ZNF540: variants seen among roughly 807,000 people sequenced by gnomAD.
ZNF540 encodes zinc finger protein 540.
In ZNF540, 3 loss-of-function variants were observed where a neutral mutation model predicts 11.8. The ratio of observed to expected loss-of-function variants is 0.25; its 90% CI spans 0.12 to 0.65. ZNF540 has a LOEUF of 0.65. ZNF540 is among the 30% of genes least tolerant of loss of function. ZNF540 has a pLI of 0.83. For missense variants in ZNF540, 709 were observed against 793.1 expected, an observed-to-expected ratio of 0.89 and a Z score of 1.27; for synonymous variants, 247 against 259.0, an observed-to-expected ratio of 0.95 and a Z score of 0.45.
At chr19:37,593,235 G>A (rs1386803091), upstream of ZNF540, among the ~76,000 whole-genome samples, 1 of 151,680 alleles carries the variant, frequency 6.6e-6, no homozygotes, top group Non-Finnish European at 1.5e-5. Context: ...AATACTATAG[G>A]AAAAAACGGG....
At chr19:37,577,648 A>C (rs971132954) in intron 1 of ZNF540, among the ~76,000 whole-genome samples, 1 of 152,226 alleles carries the variant, frequency 6.6e-6, no homozygotes, top group Non-Finnish European at 1.5e-5. Context: ...CAAAATAGTG[A>C]GAAGATCCAT....
At chr19:37,561,188 C>G (rs1338111244) in intron 1 of ZNF540, among the ~76,000 whole-genome samples, 1 of 151,828 alleles carries the variant, frequency 6.6e-6, no homozygotes, top group Non-Finnish European at 1.5e-5. Flanking sequence ...CTGCAATGAG[C>G]CATGCCACTG....
intron 4 of ZNF540, among the ~76,000 whole-genome samples, chr19:37,609,674 C>G (rs971844246): frequency 6.6e-6 from 1 of 151,896 alleles, no homozygotes; most frequent in African/African-American, 2.4e-5. Context: ...ATAGTAAAAC[C>G]CTGTCTCTAC....
chr19:37,581,468 T>TTC (rs1224453220), intron 1 of ZNF540, among the ~76,000 whole-genome samples: 1 of 145,566 alleles, frequency 6.9e-6, no homozygotes, highest in East Asian at 2.0e-4. Context: ...CTTTCTTTCT[T>TTC]TTTTTTTTTT....
intron 1 of ZNF540, among the ~76,000 whole-genome samples, chr19:37,588,099 CAAAAAAAAAAAAAAAAA>C (rs58516591): frequency 6.6e-5 from 3 of 45,742 alleles, no homozygotes; most frequent in African/African-American, 8.6e-5. Context: ...GACTCCATCT[CAAAAAAAAAAAAAAAAA>C]AAAAAAAAAA....
chr19:37,592,885 A>G (rs941026907), upstream of ZNF540, among the ~76,000 whole-genome samples: 13 of 152,352 alleles, frequency 8.5e-5, no homozygotes, highest in South Asian at 8.3e-4. Context: ...AACAGCACCA[A>G]TTAAACCAAA....
intron 1 of ZNF540, among the ~76,000 whole-genome samples, chr19:37,582,470 C>T (rs1432842057): frequency 6.6e-6 from 1 of 152,128 alleles, no homozygotes; most frequent in Non-Finnish European, 1.5e-5. Context: ...GTTGGAACAC[C>T]CCATGGTTCA....
At chr19:37,565,029 T>G in intron 1 of ZNF540, 1 of 1,613,822 alleles carries the variant, frequency 6.2e-7, no homozygotes, top group Non-Finnish European at 8.5e-7. Flanking sequence ...CCATGAATTT[T>G]CTCATGTTGA....
chr19:37,568,109 A>C (rs1055556391), intron 1 of ZNF540, among the ~76,000 whole-genome samples: 5 of 152,176 alleles, frequency 3.3e-5, no homozygotes, highest in African/African-American at 1.2e-4. Context: ...AATGCAGAGA[A>C]ACCTATCTGA....
chr19:37,565,727 C>T (rs778664713), intron 1 of ZNF540: 17 of 1,613,680 alleles, frequency 1.1e-5, no homozygotes, highest in African/African-American at 5.3e-5. Context: ...CTGTGAACCA[C>T]GAATAAAAGC....
intron 3 of ZNF540, among the ~76,000 whole-genome samples, chr19:37,600,195 G>A (rs1414638713): frequency 6.6e-6 from 1 of 152,156 alleles, no homozygotes; most frequent in Non-Finnish European, 1.5e-5. Flanking sequence ...AAATTAAAGT[G>A]AATGCATTCT....
chr19:37,600,778 A>C (rs2044033001), intron 3 of ZNF540, among the ~76,000 whole-genome samples: 1 of 152,138 alleles, frequency 6.6e-6, no homozygotes, highest in African/African-American at 2.4e-5. Flanking sequence ...TTTTAATTCC[A>C]AAATGAATTA....
chr19:37,583,821 T>A (rs1409979102), intron 1 of ZNF540: 3 of 716,342 alleles, frequency 4.2e-6, no homozygotes, highest in Admixed American at 5.2e-5. Context: ...GTCTAAAGGA[T>A]AAGAGATAAA....
chr19:37,565,471 A>G (rs2042820898), intron 1 of ZNF540: 7 of 1,612,382 alleles, frequency 4.3e-6, no homozygotes, highest in Non-Finnish European at 5.9e-6. Flanking sequence ...TAAGGTGTGA[A>G]CCAAGAATAA....
chr19:37,586,955 T>C (rs2147204983), intron 1 of ZNF540: 1 of 431,652 alleles, frequency 2.3e-6, no homozygotes, highest in Non-Finnish European at 4.1e-6. Flanking sequence ...GCTGTTACTT[T>C]CCCATGGCAT....
chr19:37,568,459 A>G (rs1051184921), intron 1 of ZNF540, among the ~76,000 whole-genome samples: 1 of 152,144 alleles, frequency 6.6e-6, no homozygotes, highest in Non-Finnish European at 1.5e-5. Flanking sequence ...AAAGAAATCA[A>G]TGGGCTTATG....
At position 37,569,026 on chromosome 19, in the gene ZNF540, A is replaced by T. The variant is rs1329026149; in HGVS notation, c.-73+17361A>T. Among the ~76,000 whole-genome samples the T allele has an allele frequency of 1.3e-5, 2 of 151,500 alleles. No homozygotes were observed. The highest frequency in any genetic ancestry group is 4.9e-5 in the African/African-American group (2 of 41,188). ...GGCTGGAGTGCAGTCGTGCCATCTC[A>T]GCTCACTGCAACCTCCGCCTCCAGG... On this transcript the variant is annotated intron_variant, in intron 1 of 4. Transcript: ENST00000592533. The surrounding 1 kb of genome is among the most constrained non-coding windows in gnomAD (Gnocchi z 4.4).
At chr19:37,572,243 C>T (rs1555717302) in intron 1 of ZNF540, among the ~76,000 whole-genome samples, 1 of 152,150 alleles carries the variant, frequency 6.6e-6, no homozygotes, top group Non-Finnish European at 1.5e-5. Flanking sequence ...GCTTAAAACT[C>T]TTTACTGTAG....
chr19:37,563,396 C>A (rs2042741198), intron 1 of ZNF540: 1 of 151,668 alleles, frequency 6.6e-6, no homozygotes, highest in African/African-American at 2.4e-5. Flanking sequence ...ATCTGGGTCT[C>A]TAAAAATTTA....
Sources: allele counts gnomAD v4.1 joint callset (sites outside exome capture counted in the v4.1 genomes callset), GRCh38; gene constraint gnomAD v4.1.1; non-coding constraint Gnocchi (gnomAD v3.1); transcripts MANE v1.5; gene names NCBI Gene and HGNC (gene_info 2026-07-23, HGNC 2026-07-21).